AOX1: variants seen among roughly 807,000 people sequenced by gnomAD.
AOX1 encodes the protein aldehyde oxidase.
Under a neutral mutation model 169.5 loss-of-function variants are expected in AOX1, and 153 were observed. That is an observed-to-expected ratio of 0.90 (90% CI 0.79 to 1.03). The LOEUF (loss-of-function observed/expected upper bound fraction) is 1.03, where lower values mean the gene tolerates loss of function less well. Ranked by LOEUF, AOX1 falls within the 50% of genes least tolerant of loss-of-function variation. The pLI is 0.00. For synonymous variants in AOX1, 562 were observed against 581.9 expected (o/e 0.97, Z 0.49); for missense variants, 1,656 against 1,663.9 (o/e 1.00, Z 0.08).
intron 1 of AOX1, among the ~76,000 whole-genome samples, chr2:200,587,592 T>C (rs1019127989): frequency 1.3e-5 from 2 of 152,198 alleles, no homozygotes; most frequent in African/African-American, 4.8e-5. Flanking sequence ...AAACTTTGTC[T>C]GCCCCTGCTG....
At chr2:200,624,468 G>A (rs1194789748) in intron 19 of AOX1, among the ~76,000 whole-genome samples, 2 of 152,062 alleles carry the variant, frequency 1.3e-5, no homozygotes, top group African/African-American at 2.4e-5. Flanking sequence ...ACAAATCTGA[G>A]CCCTGTTTGG....
chr2:200,656,861 T>A lies in AOX1; in HGVS notation c.3095T>A (p.Ile1032Asn), dbSNP rs1450077692. The A allele has an allele frequency of 6.3e-7, 1 of 1,588,130 alleles. No homozygotes were observed. Among genetic ancestry groups the A allele is most frequent in the Non-Finnish European group, 8.6e-7 (1 of 1,166,784 alleles). ...GCTCAGGCTGCTGCCTTGGTTCACA[T>A]TTATCTTGATGGCTCTGTGCTGGTC... ...AAGQAAALVHIYLDGSVLVTH... is the reference protein window; with the variant it reads ...AAGQAAALVHNYLDGSVLVTH... Residue 1032 changes from isoleucine (I) to asparagine (N), a missense_variant, in exon 27 of 35, where the codon ATT becomes AAT. Physicochemically the swap from Ile to Asn is moderately radical, Grantham distance 149 (BLOSUM62 -3). Transcript: ENST00000374700.
chr2:200,666,875 A>G, intron 32 of AOX1, 123 bp downstream of exon 32: 1 of 584,926 alleles, frequency 1.7e-6, no homozygotes, highest in African/African-American at 1.9e-5. Context: ...AGTCAACTCT[A>G]TTCAGACCAA....
Position 200,586,073 on chromosome 2 carries a change from C to T in AOX1, c.-36C>T. 6.5e-7 allele frequency: 1 copy of T among 1,548,578 alleles called. No homozygotes were observed. The highest frequency in any genetic ancestry group is 8.7e-7 in the Non-Finnish European group (1 of 1,147,184). On this transcript the variant is annotated 5_prime_UTR_variant, in exon 1 of 35. Coordinates refer to ENST00000374700, the MANE Select transcript of AOX1 (RefSeq NM_001159.4). The stretch of plus-strand genomic sequence containing the variant: ...CCGCTACTTCCCAGAACCTCCGCCT[C>T]CCGCTCCGGGCCCTCGAACCAGCGC...
chr2:200,668,358 C>G (rs1574966831), intron 32 of AOX1, among the ~76,000 whole-genome samples: 1 of 152,116 alleles, frequency 6.6e-6, no homozygotes, highest in Non-Finnish European at 1.5e-5. Context: ...ATCCGCCTGC[C>G]TCGGCCTCCC....
chr2:200,648,591 GA>G (rs2035514516), intron 25 of AOX1, among the ~76,000 whole-genome samples: 1 of 152,214 alleles, frequency 6.6e-6, no homozygotes, highest in African/African-American at 2.4e-5. Flanking sequence ...GCACTTTCCA[GA>G]AAGCATCAGC....
At chr2:200,678,603 C>G (rs1465585155), downstream of AOX1, 1 of 152,022 alleles carries the variant, frequency 6.6e-6, no homozygotes, top group Admixed American at 6.5e-5. Flanking sequence ...AAAACTGACT[C>G]AATCTATATA....
intron 29 of AOX1, 47 bp from the exon 30 acceptor site, chr2:200,661,528 ATTCT>A (rs1559260618): frequency 1.4e-6 from 2 of 1,448,556 alleles, no homozygotes; most frequent in Admixed American, 1.7e-5. Flanking sequence ...GTCTTGAGTG[ATTCT>A]TTCTTTGGGC....
intron 16 of AOX1, among the ~76,000 whole-genome samples, chr2:200,618,020 C>T (rs1209567962): frequency 1.3e-5 from 2 of 152,134 alleles, no homozygotes; most frequent in South Asian, 2.1e-4. Flanking sequence ...GTGTGAGCTA[C>T]GTCAATAGAG....
Position 200,634,804 on chromosome 2 carries a change from G to A in AOX1, c.2235G>A (p.Met745Ile), listed in dbSNP as rs1191129019. ...VDQILEGEIHMGGQEHFYMET... is the reference protein window; with the variant it reads ...VDQILEGEIHIGGQEHFYMET... ...TTCCTGTAACAGGTGAAATACATAT[G>A]GGAGGTCAAGAACATTTTTATATGG... The change falls in exon 21 of 35, where the codon ATG (methionine) becomes ATA (isoleucine). Residue 745 changes from methionine to isoleucine, a missense_variant. Physicochemically the swap from Met to Ile is conservative, Grantham distance 10 (BLOSUM62 1). Coordinates refer to ENST00000374700, the MANE Select transcript of AOX1 (RefSeq NM_001159.4). 1.2e-6 allele frequency: 2 copies of A among 1,613,926 alleles called. No individual in the cohort carries two copies. Among genetic ancestry groups the A allele is most frequent in the Admixed American group, 3.3e-5 (2 of 59,984 alleles).
chr2:200,603,742 T>A (rs578107942), intron 7 of AOX1, among the ~76,000 whole-genome samples: 3 of 152,208 alleles, frequency 2.0e-5, no homozygotes, highest in Non-Finnish European at 2.9e-5. Flanking sequence ...TCCAGCTGTG[T>A]CTGCGGCTGC....
rs189028195 is a variant in AOX1, at chr2:200,633,098, C to T, written c.2222-1693C>T. Among the ~76,000 whole-genome samples the T allele has an allele frequency of 2.1e-4, 32 of 151,896 alleles. 1 individual carries two copies. The highest frequency in any genetic ancestry group is 1.5e-3 in the South Asian group (7 of 4,810). On this transcript the variant is annotated intron_variant, in intron 20 of 34. Transcript: ENST00000374700. The stretch of plus-strand genomic sequence containing the variant: ...TTTTAGTAGAGACAGGGTTTCACCA[C>T]GAAAGTACTTTTCTCCTATAGATGA...
chr2:200,599,258 T>C (rs541757598), intron 4 of AOX1, among the ~76,000 whole-genome samples: 294 of 152,352 alleles, frequency 1.9e-3, no homozygotes, highest in African/African-American at 6.6e-3. Flanking sequence ...CAACCACAAC[T>C]GCACGTTGAA....
At chr2:200,610,199 G>A (rs2034606526) in intron 12 of AOX1, among the ~76,000 whole-genome samples, 1 of 151,984 alleles carries the variant, frequency 6.6e-6, no homozygotes, top group African/African-American at 2.4e-5. Context: ...GGCCTCCTGA[G>A]TAGCTAGGAC....
intron 25 of AOX1, among the ~76,000 whole-genome samples, chr2:200,643,261 A>C (rs1013031048): frequency 1.3e-5 from 2 of 150,396 alleles, no homozygotes; most frequent in Non-Finnish European, 3.0e-5. Context: ...ATTGGGGTAC[A>C]GGTAGTATTT....
chr2:200,623,041 G>A (rs1038896829), intron 18 of AOX1, among the ~76,000 whole-genome samples: 7 of 151,410 alleles, frequency 4.6e-5, no homozygotes, highest in East Asian at 1.9e-4. Flanking sequence ...CCTTTTTTTC[G>A]ATGATAAAAC....
intron 32 of AOX1, among the ~76,000 whole-genome samples, chr2:200,667,443 T>TC (rs1214301132): frequency 1.4e-4 from 10 of 69,412 alleles, no homozygotes; most frequent in Admixed American, 3.1e-4. Flanking sequence ...TTGTGTCCCC[T>TC]CCCCCCCACC....
At chr2:200,628,524 A>G (rs1175521166) in intron 20 of AOX1, among the ~76,000 whole-genome samples, 2 of 152,098 alleles carry the variant, frequency 1.3e-5, no homozygotes, top group East Asian at 1.9e-4. Flanking sequence ...CAGACATGCT[A>G]TTGGGTGGGT....
intron 10 of AOX1, among the ~76,000 whole-genome samples, chr2:200,608,343 A>G (rs2034558546): frequency 6.6e-6 from 1 of 152,228 alleles, no homozygotes; most frequent in Non-Finnish European, 1.5e-5. Context: ...TGGACAGAAG[A>G]TAAAGATGAA....
Sources: allele counts gnomAD v4.1 joint callset (sites outside exome capture counted in the v4.1 genomes callset), GRCh38; gene constraint gnomAD v4.1.1; transcripts MANE v1.5; gene names NCBI Gene and HGNC (gene_info 2026-07-23, HGNC 2026-07-21).